Variants in CNTNAP2 observed in about 807,000 individuals in gnomAD.
CNTNAP2 encodes contactin associated protein 2.
Under a neutral mutation model 155.2 loss-of-function variants are expected in CNTNAP2, and 98 were observed. The ratio of observed to expected loss-of-function variants is 0.63; its 90% confidence interval spans 0.54 to 0.75. CNTNAP2 has a LOEUF of 0.75. Ranked by LOEUF, CNTNAP2 falls within the 30% of genes least tolerant of loss-of-function variation. The pLI is 0.00. For synonymous variants in CNTNAP2, 651 were observed against 631.2 expected (o/e 1.03, Z -0.47); for missense variants, 1,727 against 1,688.1 (o/e 1.02, Z -0.40).
chr7:147,504,556 T>A (rs1305972175), intron 11 of CNTNAP2, among the ~76,000 whole-genome samples: 1 of 151,494 alleles, frequency 6.6e-6, no homozygotes, highest in Admixed American at 6.6e-5. Context: ...GGGCGTGGTG[T>A]TACGTGCCTG....
At position 147,465,667 on chromosome 7, in the gene CNTNAP2, T is replaced by C. The variant is rs529577397; in HGVS notation, c.1671-20268T>C. Among the ~76,000 whole-genome samples the C allele has an allele frequency of 9.2e-5, 14 of 152,296 alleles. No homozygotes were observed. In the East Asian group the frequency reaches 2.7e-3, roughly 29 times the overall value. ...CCGTATCATTTAAAAAGTTATTAGA[T>C]CCGCTGGCTTGATGGGGTCAATTCC... is the stretch of plus-strand genomic sequence containing the variant. On this transcript the variant is annotated intron_variant, in intron 10 of 23. Coordinates refer to ENST00000361727, the MANE Select transcript of CNTNAP2 (RefSeq NM_014141.6).
At chr7:148,414,107 C>T (rs375185968) in intron 23 of CNTNAP2, among the ~76,000 whole-genome samples, 2 of 146,242 alleles carry the variant, frequency 1.4e-5, no homozygotes, top group Non-Finnish European at 3.0e-5. Flanking sequence ...AGTCCCCCCC[C>T]CCCCCCTCAC....
At chr7:146,163,581 C>CTATATATATATA (rs1491503784) in intron 1 of CNTNAP2, among the ~76,000 whole-genome samples, 4 of 84,924 alleles carry the variant, frequency 4.7e-5, no homozygotes, top group African/African-American at 2.0e-4. Flanking sequence ...ATCTATCTAT[C>CTATATATATATA]TATCTATATA....
At position 147,258,576 on chromosome 7, in the gene CNTNAP2, C is replaced by T. The variant is rs1431424445; in HGVS notation, c.1349-41565C>T. On this transcript the variant is annotated intron_variant, in intron 8 of 23. Coordinates refer to ENST00000361727, the MANE Select transcript of CNTNAP2 (RefSeq NM_014141.6). ...AAATGTCCAGTCCCCTGAATGAACT[C>T]ACCTATAACTGTATGATACCCTCTA... is the stretch of plus-strand genomic sequence containing the variant. Among the ~76,000 whole-genome samples the T allele has an allele frequency of 2.6e-5, 4 of 152,038 alleles. No individual in the cohort carries two copies. The East Asian group carries it at 5.8e-4, about 22-fold the overall frequency.
chr7:147,626,223 G>C (rs1284102876), intron 12 of CNTNAP2, among the ~76,000 whole-genome samples: 1 of 152,086 alleles, frequency 6.6e-6, no homozygotes, highest in Non-Finnish European at 1.5e-5. Context: ...GCAGCCAATG[G>C]AGTGGGCAGA....
At chr7:146,518,978 A>G (rs763407456) in intron 1 of CNTNAP2, among the ~76,000 whole-genome samples, 1 of 151,870 alleles carries the variant, frequency 6.6e-6, no homozygotes, top group Non-Finnish European at 1.5e-5. Flanking sequence ...TTATCTTTCA[A>G]TCTGTCAGTA....
In CNTNAP2 at chr7:146,914,550, T is replaced by G. The variant is rs112439966; in HGVS notation, c.402+74646T>G. ...TGATTTACATTTCCCTGGTCATTAGTGATGTTGAGTATTTTTTCATGTGTT... is the reference window on the plus strand; with the variant it reads ...TGATTTACATTTCCCTGGTCATTAGGGATGTTGAGTATTTTTTCATGTGTT... On this transcript the variant is annotated intron_variant, in intron 3 of 23. Coordinates refer to ENST00000361727, the MANE Select transcript of CNTNAP2 (RefSeq NM_014141.6). 4.1e-3 allele frequency among the ~76,000 whole-genome samples: 617 copies of G among 152,228 alleles called. 7 individuals are homozygous for G. Among genetic ancestry groups the G allele is most frequent in the African/African-American group, 0.013 (558 of 41,530 alleles).
chr7:148,401,639 C>T lies in CNTNAP2; in HGVS notation c.3716-7752C>T, dbSNP rs572268617. Among the ~76,000 whole-genome samples, 3 of 151,058 alleles carry T rather than the reference C, an allele frequency of 2.0e-5. No homozygotes were observed. In the South Asian group the frequency reaches 6.3e-4, roughly 32 times the overall value. On this transcript the variant is annotated intron_variant, in intron 22 of 23. Transcript: ENST00000361727. ...TTTGAGATGGAGTCTTGCTCTTTTGCCCAGGCTGGAGTGCAGTGGCACAAT... is the reference window on the plus strand; with the variant it reads ...TTTGAGATGGAGTCTTGCTCTTTTGTCCAGGCTGGAGTGCAGTGGCACAAT...
intron 2 of CNTNAP2, among the ~76,000 whole-genome samples, chr7:146,808,554 C>T (rs927829879): frequency 6.6e-6 from 1 of 152,092 alleles, no homozygotes; most frequent in Non-Finnish European, 1.5e-5. Flanking sequence ...ATTGAATATA[C>T]TCAAGGAGTA....
At chr7:147,526,772 T>G (rs1799329545) in intron 11 of CNTNAP2, among the ~76,000 whole-genome samples, 1 of 152,194 alleles carries the variant, frequency 6.6e-6, no homozygotes, top group Non-Finnish European at 1.5e-5. Context: ...AGGAATCATG[T>G]GCTCATGACT....
chr7:146,899,962 G>C (rs1795958970), intron 3 of CNTNAP2, among the ~76,000 whole-genome samples: 1 of 152,180 alleles, frequency 6.6e-6, no homozygotes, highest in South Asian at 2.1e-4. Context: ...AAGGTGGAAA[G>C]TTAGAAGTAA....
intron 3 of CNTNAP2, among the ~76,000 whole-genome samples, chr7:146,938,225 A>G (rs1165155104): frequency 2.0e-5 from 3 of 152,072 alleles, no homozygotes; most frequent in Non-Finnish European, 1.5e-5. Flanking sequence ...CACACATACT[A>G]TGTGACTCAT....
At chr7:147,344,603 T>C (rs565881255) in intron 9 of CNTNAP2, among the ~76,000 whole-genome samples, 6 of 152,312 alleles carry the variant, frequency 3.9e-5, no homozygotes, top group African/African-American at 1.2e-4. Context: ...ACATAGATGG[T>C]AAAACCCCAT....
intron 15 of CNTNAP2, among the ~76,000 whole-genome samples, chr7:148,104,364 G>C (rs1804165979): frequency 6.6e-6 from 1 of 152,208 alleles, no homozygotes; most frequent in Non-Finnish European, 1.5e-5. Flanking sequence ...TCATTCTGCT[G>C]AAATGGGTGG....
At chr7:146,826,673 T>G (rs1308369164) in intron 2 of CNTNAP2, among the ~76,000 whole-genome samples, 3 of 152,044 alleles carry the variant, frequency 2.0e-5, no homozygotes, top group Admixed American at 6.6e-5. Context: ...TGAGACAGAA[T>G]TCTAAGCAGA....
intron 10 of CNTNAP2, among the ~76,000 whole-genome samples, chr7:147,462,098 CT>C (rs57173322): frequency 0.23 from 34,568 of 151,986 alleles, 4,491 homozygotes; most frequent in African/African-American, 0.35. Context: ...CCCAGAGTTC[CT>C]TTTCATATTC....
chr7:146,120,562 T>C (rs1563129585), intron 1 of CNTNAP2, among the ~76,000 whole-genome samples: 1 of 152,174 alleles, frequency 6.6e-6, no homozygotes, highest in Non-Finnish European at 1.5e-5. Flanking sequence ...ATCAAAGTTG[T>C]TTGGTGCATA....
At chr7:147,367,848 A>C (rs1157316217) in intron 9 of CNTNAP2, among the ~76,000 whole-genome samples, 1 of 151,858 alleles carries the variant, frequency 6.6e-6, no homozygotes, top group Non-Finnish European at 1.5e-5. Context: ...GATTTGGTTA[A>C]TGCCATGGAC....
chr7:148,070,089 T>C (rs1004899341), intron 15 of CNTNAP2, among the ~76,000 whole-genome samples: 1 of 152,184 alleles, frequency 6.6e-6, no homozygotes, highest in Non-Finnish European at 1.5e-5. Flanking sequence ...CAATCCAGGC[T>C]CTGTAACTAA....
Sources: allele counts gnomAD v4.1 joint callset (sites outside exome capture counted in the v4.1 genomes callset), GRCh38; gene constraint gnomAD v4.1.1; transcripts MANE v1.5; gene names NCBI Gene and HGNC (gene_info 2026-07-23, HGNC 2026-07-21).